HSD17B4: variants seen among roughly 807,000 people sequenced by gnomAD.
The protein encoded by HSD17B4 is peroxisomal multifunctional enzyme type 2.
In HSD17B4, 70 loss-of-function variants were observed where a neutral mutation model predicts 101.0. The ratio of observed to expected loss-of-function variants is 0.69; its 90% CI spans 0.57 to 0.85. HSD17B4 has a LOEUF of 0.85. Among genes scored for constraint, HSD17B4 ranks in the 40% least tolerant of loss-of-function variants. HSD17B4 has a pLI of 0.00. For missense variants in HSD17B4, 984 were observed against 892.4 expected (o/e 1.10, Z -1.31); for synonymous variants, 347 against 297.1 (o/e 1.17, Z -1.73).
chr5:119,486,618 T>A (rs1215894741), intron 8 of HSD17B4, among the ~76,000 whole-genome samples: 3 of 152,164 alleles, frequency 2.0e-5, no homozygotes, highest in African/African-American at 7.2e-5. Context: ...AAGATTTATA[T>A]AAAGCTGTAG....
At position 119,499,778 on chromosome 5, in the gene HSD17B4, C is replaced by T. The variant is rs1750992671; in HGVS notation, c.1209+225C>T. On this transcript the variant is annotated intron_variant, in intron 13 of 23. Coordinates refer to ENST00000510025, the MANE Select transcript of HSD17B4 (RefSeq NM_000414.4). Reference sequence around the variant, plus strand: ...GAAGAAAATAACAAGTATGTGTAGTCCCATAACCCTGGCATAATGTTATTC... The same window carrying T: ...GAAGAAAATAACAAGTATGTGTAGTTCCATAACCCTGGCATAATGTTATTC... 3 of 311,230 alleles carry T rather than the reference C, an allele frequency of 9.6e-6. 1 individual carries two copies. Among genetic ancestry groups the T allele is most frequent in the Non-Finnish European group, 1.7e-5 (3 of 174,170 alleles). The allele number at this position is 311,230 out of a possible 1,614,324, so 19.3% of individuals were successfully genotyped here. A position where few individuals can be genotyped will look rare whatever the true frequency, so the allele number is the denominator to read the frequency against.
At chr5:119,459,685 C>T (rs1028537132) in intron 2 of HSD17B4, among the ~76,000 whole-genome samples, 11 of 152,080 alleles carry the variant, frequency 7.2e-5, no homozygotes, top group African/African-American at 9.7e-5. Context: ...TGGCACAGGG[C>T]GTCACAGGGC....
At chr5:119,541,859 A>C (rs766707928) in intron 23 of HSD17B4, 46 bp from the exon 24 acceptor site, 1 of 1,130,136 alleles carries the variant, frequency 8.8e-7, no homozygotes, top group East Asian at 2.4e-5. Flanking sequence ...GAAATAAACT[A>C]TAACATGGTA....
At chr5:119,496,466 A>T (rs1317447741) in intron 11 of HSD17B4, 77 bp from the exon 12 acceptor site, 2 of 822,446 alleles carry the variant, frequency 2.4e-6, no homozygotes, top group Non-Finnish European at 4.3e-6. Context: ...AGGAATAATT[A>T]TGTAGCATAT....
At chr5:119,466,967 A>G (rs1393057633) in intron 2 of HSD17B4, among the ~76,000 whole-genome samples, 1 of 151,930 alleles carries the variant, frequency 6.6e-6, no homozygotes, top group African/African-American at 2.4e-5. Flanking sequence ...AGGCTTTGGT[A>G]TATTGTGTTT....
chr5:119,508,147 C>A (rs1216841028), intron 15 of HSD17B4, among the ~76,000 whole-genome samples: 1 of 151,324 alleles, frequency 6.6e-6, no homozygotes, highest in East Asian at 1.9e-4. Flanking sequence ...TCATACTTGT[C>A]ATTCCAGATG....
rs779180265 is a variant in HSD17B4 at position 119,452,732 on chromosome 5, C to G, written c.58+99C>G. ...CGCGCAGCCGCAGCTGAGGTCACCCCGCTGAGGTGGTGGGGAGGGGAATGG... is the reference window on the plus strand; with the variant it reads ...CGCGCAGCCGCAGCTGAGGTCACCCGGCTGAGGTGGTGGGGAGGGGAATGG... On this transcript the variant is annotated intron_variant, in intron 1 of 23. Coordinates refer to ENST00000510025, the MANE Select transcript of HSD17B4 (RefSeq NM_000414.4). The G allele has an allele frequency of 3.7e-5, 60 of 1,602,120 alleles. No homozygotes were observed. The Middle Eastern group carries it at 8.3e-4, about 22-fold the overall frequency.
At chr5:119,452,698 C>T in intron 1 of HSD17B4, 65 bp downstream of exon 1, 1 of 1,609,152 alleles carries the variant, frequency 6.2e-7, no homozygotes, top group Admixed American at 1.7e-5. Context: ...CTTTTCGGGC[C>T]GGCATACGCG....
intron 17 of HSD17B4, among the ~76,000 whole-genome samples, chr5:119,523,503 A>G (rs1358779597): frequency 6.6e-6 from 1 of 152,098 alleles, no homozygotes; most frequent in African/African-American, 2.4e-5. Context: ...GAATGGGTCA[A>G]ACATCTAGTC....
At chr5:119,478,672 A>G (rs1441567853) in intron 7 of HSD17B4, among the ~76,000 whole-genome samples, 162 bp from the exon 8 acceptor site, 1 of 152,224 alleles carries the variant, frequency 6.6e-6, no homozygotes, top group East Asian at 1.9e-4. Context: ...GAGATTACTT[A>G]TATATTAATA....
intron 10 of HSD17B4, chr5:119,492,908 G>C (rs577042126): frequency 6.6e-6 from 1 of 152,140 alleles, no homozygotes; most frequent in South Asian, 2.1e-4. Context: ...CCAATTAACT[G>C]AATCAGTTAA....
At chr5:119,479,221 CA>C (rs1325754233) in intron 8 of HSD17B4, among the ~76,000 whole-genome samples, 200 bp downstream of exon 8, 2 of 151,802 alleles carry the variant, frequency 1.3e-5, no homozygotes, top group Non-Finnish European at 2.9e-5. Flanking sequence ...ATAATTCTAC[CA>C]CATCGATAAA....
chr5:119,453,136 C>G (rs957096615), intron 1 of HSD17B4, among the ~76,000 whole-genome samples: 2 of 152,170 alleles, frequency 1.3e-5, no homozygotes, highest in Non-Finnish European at 2.9e-5. Context: ...GTGAGAGGAC[C>G]TTCTTTAAAG....
At chr5:119,497,956 C>T (rs572579418) in intron 12 of HSD17B4, among the ~76,000 whole-genome samples, 2 of 151,890 alleles carry the variant, frequency 1.3e-5, no homozygotes, top group Non-Finnish European at 2.9e-5. Context: ...CTTTTGGGTC[C>T]GTTTCTTTTA....
rs528484521 is a variant in HSD17B4, at chr5:119,484,973, A to C, written c.623-4219A>C. Among the ~76,000 whole-genome samples, 8 of 152,314 alleles carry C rather than the reference A, an allele frequency of 5.3e-5. No homozygotes were observed. In the East Asian group the frequency reaches 5.8e-4, roughly 11 times the overall value. ...GAAAGATATATAATTTATTTGTTTC[A>C]AGTATGATACTATATAGACACAAAA... On this transcript the variant is annotated intron_variant, in intron 8 of 23. Transcript: ENST00000510025.
At chr5:119,462,519 A>C (rs565920358) in intron 2 of HSD17B4, among the ~76,000 whole-genome samples, 3 of 152,006 alleles carry the variant, frequency 2.0e-5, no homozygotes, top group Non-Finnish European at 2.9e-5. Context: ...ATCAGTGTAC[A>C]TAGTAGTTTT....
chr5:119,457,853 A>G (rs1754827478), intron 2 of HSD17B4, among the ~76,000 whole-genome samples: 2 of 152,182 alleles, frequency 1.3e-5, no homozygotes, highest in African/African-American at 4.8e-5. Context: ...TTGTTGATAT[A>G]CTTTTCTGGG....
intron 2 of HSD17B4, among the ~76,000 whole-genome samples, chr5:119,470,541 G>T (rs966905925): frequency 6.6e-6 from 1 of 152,172 alleles, no homozygotes; most frequent in Non-Finnish European, 1.5e-5. Flanking sequence ...TATTTGTGAT[G>T]GTAATGGCGA....
chr5:119,494,337 CTTTCTT>C (rs1750418723), intron 11 of HSD17B4, among the ~76,000 whole-genome samples: 1 of 136,832 alleles, frequency 7.3e-6, no homozygotes, highest in Admixed American at 7.6e-5. Flanking sequence ...TTCTTTCTTT[CTTTCTT>C]TCTTTCTTTC....
Sources: gnomAD v4.1 joint callset for allele counts (sites outside exome capture counted in the v4.1 genomes callset) on GRCh38, gnomAD v4.1.1 for gene constraint, MANE v1.5 for transcripts, NCBI Gene and HGNC (gene_info 2026-07-23, HGNC 2026-07-21) for gene names.